TMX3: variants seen among roughly 807,000 people sequenced by gnomAD.
The protein encoded by TMX3 is thioredoxin related transmembrane protein 3.
Under a neutral mutation model 64.4 loss-of-function variants are expected in TMX3, and 40 were observed. The ratio of observed to expected loss-of-function variants is 0.62; its 90% CI spans 0.48 to 0.81. The LOEUF is 0.81. Ranked by LOEUF, TMX3 falls within the 30% of genes least tolerant of loss-of-function variation. TMX3 has a pLI of 0.00. For missense variants in TMX3, 497 were observed against 534.5 expected, an observed-to-expected ratio of 0.93 and a Z score of 0.69; for synonymous variants, 189 against 175.7, an observed-to-expected ratio of 1.08 and a Z score of -0.60.
intron 9 of TMX3, chr18:68,688,038 A>T (rs1014528132): frequency 4.5e-6 from 1 of 224,362 alleles, no homozygotes; most frequent in Non-Finnish European, 8.6e-6. Flanking sequence ...ATTTAAATAA[A>T]TTTTGGTATA....
rs1914498827 is a variant in TMX3, at chr18:68,691,304, C to G, written c.628G>C (p.Val210Leu). The change falls in exon 9 of 16, where the codon GTT becomes CTT. Residue 210 changes from valine to leucine, a missense_variant. By Grantham distance (32) the Val-to-Leu change is conservative (BLOSUM62 1). Coordinates refer to ENST00000299608, the MANE Select transcript of TMX3 (RefSeq NM_019022.5). ...AAGATTTGGAACTTACCATCATAAACAAAGTAAGTTTCATCTTTGAAAACA... is the reference window on the plus strand; with the variant it reads ...AAGATTTGGAACTTACCATCATAAAGAAAGTAAGTTTCATCTTTGAAAACA... Reference protein sequence around the residue: ...VLVFKDETYFVYDEYEDGDLS... With the variant: ...VLVFKDETYFLYDEYEDGDLS... The G allele has an allele frequency of 1.9e-6, 3 of 1,582,146 alleles. No individual in the cohort carries two copies. Among genetic ancestry groups the G allele is most frequent in the African/African-American group, 2.7e-5 (2 of 74,402 alleles).
chr18:68,703,145 C>G (rs1568198531), intron 4 of TMX3, among the ~76,000 whole-genome samples: 1 of 152,168 alleles, frequency 6.6e-6, no homozygotes, highest in African/African-American at 2.4e-5. Context: ...AGCAAAAACA[C>G]AGAAACTACT....
intron 2 of TMX3, among the ~76,000 whole-genome samples, chr18:68,712,185 A>C (rs1007609429): frequency 2.0e-5 from 3 of 152,150 alleles, no homozygotes; most frequent in Non-Finnish European, 4.4e-5. Flanking sequence ...AACACATAGG[A>C]ATGGCTAAGC....
Position 68,684,425 on chromosome 18 carries a change from T to C in TMX3, c.794+3A>G. The C allele has an allele frequency of 6.2e-7, 1 of 1,612,068 alleles. No homozygotes were observed. Among genetic ancestry groups the C allele is most frequent in the Non-Finnish European group, 8.5e-7 (1 of 1,178,708 alleles). On this transcript the variant is annotated splice_donor_region_variant and intron_variant, in intron 11 of 15. Coordinates refer to ENST00000299608, the MANE Select transcript of TMX3 (RefSeq NM_019022.5). ...AGCTTAAAACTATATCAAGGCATTA[T>C]ACCTGGTATGTTCAACTGATGTATT...
At chr18:68,683,300 T>TTTCTCTAAA (rs1269529865) in intron 12 of TMX3, among the ~76,000 whole-genome samples, 1 of 152,050 alleles carries the variant, frequency 6.6e-6, no homozygotes, top group Non-Finnish European at 1.5e-5. Flanking sequence ...AAAATTCCTA[T>TTTCTCTAAA]TTTCTCTAAA....
chr18:68,694,177 C>T (rs1391636630), intron 8 of TMX3, among the ~76,000 whole-genome samples: 1 of 152,170 alleles, frequency 6.6e-6, no homozygotes, highest in African/African-American at 2.4e-5. Flanking sequence ...AACATACCCC[C>T]CAGTCACCAT....
Position 68,674,531 on chromosome 18 carries a change from G to T in TMX3, c.*2402C>A, listed in dbSNP as rs971262938. On this transcript the variant is annotated 3_prime_UTR_variant, in exon 16 of 16. Coordinates refer to ENST00000299608, the MANE Select transcript of TMX3 (RefSeq NM_019022.5). ...ATAGAATCATGACAAAATTTACCAT[G>T]GAATTAGAATGATACCTATGTTCTT... 1 of 151,896 alleles carries T rather than the reference G, an allele frequency of 6.6e-6. No homozygotes were observed. The highest frequency in any genetic ancestry group is 6.6e-5 in the Admixed American group (1 of 15,234). The allele number at this position is 151,896 out of a possible 1,614,324, so 9.4% of individuals were successfully genotyped here. A position where few individuals can be genotyped will look rare whatever the true frequency, so the allele number is the denominator to read the frequency against.
intron 8 of TMX3, among the ~76,000 whole-genome samples, chr18:68,692,236 C>A (rs1374820229): frequency 1.3e-5 from 2 of 152,304 alleles, no homozygotes; most frequent in Middle Eastern, 3.4e-3. Flanking sequence ...AACTCATCCA[C>A]ACAGATGCTT....
chr18:68,707,214 A>C (rs1166670424), intron 4 of TMX3, among the ~76,000 whole-genome samples: 1 of 149,422 alleles, frequency 6.7e-6, no homozygotes, highest in African/African-American at 2.5e-5. Flanking sequence ...TTTTTCAATT[A>C]ACTATGTTTG....
Position 68,687,779 on chromosome 18 carries a change from C to A in TMX3, c.638-14G>T. 4 of 1,581,966 alleles carry A rather than the reference C, an allele frequency of 2.5e-6. No individual in the cohort carries two copies. The highest frequency in any genetic ancestry group is 2.3e-5 in the South Asian group (2 of 87,930). On this transcript the variant is annotated splice_polypyrimidine_tract_variant and intron_variant, in intron 9 of 15. Transcript: ENST00000299608. The stretch of plus-strand genomic sequence containing the variant: ...CATCTTCATACTCTTAAAACCAAGA[C>A]AAAGTTGACAAATTACAGTATAAAT...
At chr18:68,687,279 A>G in intron 10 of TMX3, 2 of 985,430 alleles carry the variant, frequency 2.0e-6, no homozygotes, top group Non-Finnish European at 2.4e-6. Context: ...AACCATGCCA[A>G]TTTAACTTAC....
intron 10 of TMX3, among the ~76,000 whole-genome samples, chr18:68,686,534 C>T (rs947367938): frequency 2.0e-5 from 3 of 152,058 alleles, no homozygotes; most frequent in Admixed American, 6.5e-5. Flanking sequence ...CATGGTGAAA[C>T]CCCGTCTCTG....
intron 8 of TMX3, among the ~76,000 whole-genome samples, chr18:68,694,539 A>G (rs1599317924): frequency 6.6e-6 from 1 of 152,172 alleles, no homozygotes; most frequent in African/African-American, 2.4e-5. Flanking sequence ...TGGCAGGCAC[A>G]GGATCTGGGC....
At chr18:68,699,635 A>G (rs923606364) in intron 6 of TMX3, among the ~76,000 whole-genome samples, 1 of 152,194 alleles carries the variant, frequency 6.6e-6, no homozygotes, top group Non-Finnish European at 1.5e-5. Context: ...CATTAAACTC[A>G]TAAGTGCCTA....
intron 10 of TMX3, chr18:68,687,028 C>A (rs1266670375): frequency 1.0e-6 from 1 of 982,652 alleles, no homozygotes. Flanking sequence ...TACTCAAAAG[C>A]TATACTTCCA....
At chr18:68,699,808 A>AATTTGTTTCCT (rs1405301917) in intron 6 of TMX3, among the ~76,000 whole-genome samples, 1 of 152,196 alleles carries the variant, frequency 6.6e-6, no homozygotes, top group Non-Finnish European at 1.5e-5. Context: ...CTTACAGAGG[A>AATTTGTTTCCT]ATTTGTTTCC....
chr18:68,694,680 C>A (rs1042867702), intron 8 of TMX3, among the ~76,000 whole-genome samples: 3 of 152,074 alleles, frequency 2.0e-5, no homozygotes, highest in Non-Finnish European at 2.9e-5. Context: ...CCCTAAGGAT[C>A]CCGTGACATT....
In TMX3 at chr18:68,714,971, C is replaced by T; in HGVS notation, c.11G>A (p.Trp4Ter). 3 of 1,574,982 alleles carry T rather than the reference C, an allele frequency of 1.9e-6. No individual in the cohort carries two copies. The highest frequency in any genetic ancestry group is 2.6e-6 in the Non-Finnish European group (3 of 1,161,058). The change falls in exon 1 of 16, where the codon TGG (tryptophan) becomes TAG (stop). Residue 4 changes from tryptophan (W) to a stop codon, truncating the protein, a stop_gained. Transcript: ENST00000299608. LOFTEE classifies it high-confidence loss of function. MAA[W>*]KSWTALRLCA... is the part of the protein sequence containing the mutation. ...GAGCCGCAGGGCCGTCCAACTCTTCCACGCTGCCATGCTAGCCCGGGAGAG... is the reference window on the plus strand; with the variant it reads ...GAGCCGCAGGGCCGTCCAACTCTTCTACGCTGCCATGCTAGCCCGGGAGAG...
chr18:68,683,053 T>A (rs1403023435), intron 12 of TMX3, 72 bp from the exon 13 acceptor site: 2 of 1,357,154 alleles, frequency 1.5e-6, no homozygotes, highest in African/African-American at 2.9e-5. Flanking sequence ...AGAAAGCTCA[T>A]TAAATAGTAA....
Sources: gnomAD v4.1 joint callset for allele counts (sites outside exome capture counted in the v4.1 genomes callset) on GRCh38, gnomAD v4.1.1 for gene constraint, MANE v1.5 for transcripts, NCBI Gene and HGNC (gene_info 2026-07-23, HGNC 2026-07-21) for gene names.